Variants in GABRA3 observed in about 807,000 individuals in gnomAD.
GABRA3 encodes gamma-aminobutyric acid receptor subunit alpha-3.
A neutral mutation model predicts 30.1 loss-of-function variants in GABRA3; 10 were observed. The ratio of observed to expected loss-of-function variants is 0.33; its 90% confidence interval spans 0.20 to 0.56. The LOEUF is 0.56. Ranked by LOEUF, GABRA3 falls within the 20% of genes least tolerant of loss-of-function variation. GABRA3 has a pLI of 0.89. For missense variants in GABRA3, 233 were observed against 392.0 expected (o/e 0.59, Z 3.42); for synonymous variants, 151 against 146.8 (o/e 1.03, Z -0.21).
chrX:152,432,940 G>A (rs1249315082), intron 1 of GABRA3, among the ~76,000 whole-genome samples: 2 of 110,492 alleles, frequency 1.8e-5, no homozygotes, highest in African/African-American at 3.3e-5. Flanking sequence ...TAACCTATCA[G>A]TGCAATTCAC....
At chrX:152,440,456 T>C (rs955767946) in intron 1 of GABRA3, among the ~76,000 whole-genome samples, 5 of 112,245 alleles carry the variant, frequency 4.5e-5, no homozygotes, top group African/African-American at 1.6e-4. Flanking sequence ...TGGAAGACAG[T>C]GTGGCAATTC....
chrX:152,309,365 A>C (rs1467049615), intron 3 of GABRA3, among the ~76,000 whole-genome samples: 1 of 111,342 alleles, frequency 9.0e-6, no homozygotes, highest in South Asian at 3.8e-4. Flanking sequence ...AACATAAAAG[A>C]AAATATATTA....
chrX:152,251,084 C>T (rs1230216929), intron 5 of GABRA3: 7 of 319,017 alleles, frequency 2.2e-5, no homozygotes, highest in Non-Finnish European at 4.3e-5. Flanking sequence ...GCCTATGTCT[C>T]CCTCCAGGCC....
chrX:152,376,288 T>G (rs1002951567), intron 1 of GABRA3, among the ~76,000 whole-genome samples: 7 of 111,089 alleles, frequency 6.3e-5, no homozygotes, highest in African/African-American at 1.3e-4. Flanking sequence ...AACTCTTATT[T>G]TTTTTTTCTG....
chrX:152,361,384 C>T (rs888972850), intron 2 of GABRA3, among the ~76,000 whole-genome samples: 6 of 108,382 alleles, frequency 5.5e-5, no homozygotes, highest in Non-Finnish European at 1.1e-4. Flanking sequence ...ACCAGCCTGA[C>T]CAACATGGTG....
chrX:152,209,848 T>C (rs756362163), intron 6 of GABRA3, among the ~76,000 whole-genome samples: 3 of 112,774 alleles, frequency 2.7e-5, no homozygotes, highest in Non-Finnish European at 5.6e-5. Flanking sequence ...ATTTTTTATA[T>C]CTGTGCTCTC....
At chrX:152,208,551 C>A (rs1337373673) in intron 6 of GABRA3, among the ~76,000 whole-genome samples, 1 of 111,372 alleles carries the variant, frequency 9.0e-6, no homozygotes. Flanking sequence ...TATTCGACCC[C>A]TCCAATTCTT....
chrX:152,353,712 G>A (rs1454797769), intron 2 of GABRA3, among the ~76,000 whole-genome samples: 1 of 111,712 alleles, frequency 9.0e-6, no homozygotes, highest in East Asian at 2.8e-4. Context: ...AAAGCAATGA[G>A]CTGGCCATCA....
chrX:152,372,322 C>G (rs1025669740), intron 1 of GABRA3, among the ~76,000 whole-genome samples: 2 of 111,541 alleles, frequency 1.8e-5, no homozygotes, highest in Non-Finnish European at 3.8e-5. Flanking sequence ...TCGGTCTCCC[C>G]TACTCATACC....
At chrX:152,375,576 A>G (rs941636849) in intron 1 of GABRA3, among the ~76,000 whole-genome samples, 8 of 111,906 alleles carry the variant, frequency 7.1e-5, no homozygotes, top group Non-Finnish European at 3.8e-5. Flanking sequence ...TCAAGGCTGG[A>G]TCCAAAGTAA....
chrX:152,338,059 T>A (rs1398606092), intron 3 of GABRA3, among the ~76,000 whole-genome samples: 1 of 111,754 alleles, frequency 8.9e-6, no homozygotes, highest in Non-Finnish European at 1.9e-5. Flanking sequence ...ATAGTGCAAT[T>A]GCTGGATCAT....
intron 1 of GABRA3, among the ~76,000 whole-genome samples, chrX:152,375,896 A>G (rs1238082888): frequency 8.1e-5 from 9 of 111,552 alleles, no homozygotes; most frequent in Non-Finnish European, 1.7e-4. Flanking sequence ...CAGAAGAGAC[A>G]AACCACCCAT....
chrX:152,409,077 G>C lies in GABRA3; in HGVS notation c.-27+42069C>G. Among the ~76,000 whole-genome samples, 3 of 111,936 alleles carry C rather than the reference G, an allele frequency of 2.7e-5. No individual in the cohort carries two copies. In the Middle Eastern group the frequency reaches 0.014, roughly 516 times the overall value. On this transcript the variant is annotated intron_variant, in intron 1 of 9. Transcript: ENST00000370314. ...CATACATAAAAATAAAATTGGCCAG[G>C]CATGGTGGCTCATGCCTGTAATTCA...
intron 4 of GABRA3, among the ~76,000 whole-genome samples, chrX:152,260,184 G>A (rs750629629): frequency 3.0e-4 from 33 of 111,163 alleles, no homozygotes; most frequent in Non-Finnish European, 2.3e-4. Context: ...AGGAAAGACT[G>A]CATGCTGTGG....
At chrX:152,193,804 C>T (rs113225909) in intron 8 of GABRA3, among the ~76,000 whole-genome samples, 24,808 of 110,447 alleles carry the variant, frequency 0.22, 2,060 homozygotes, top group Admixed American at 0.27. Context: ...TGAGACCAGC[C>T]TGGCCAACAT....
chrX:152,313,151 A>G (rs1272683353), intron 3 of GABRA3, among the ~76,000 whole-genome samples: 1 of 112,083 alleles, frequency 8.9e-6, no homozygotes, highest in African/African-American at 3.2e-5. Flanking sequence ...ATTCTGAAAA[A>G]AATATGGATT....
intron 7 of GABRA3, 51 bp downstream of exon 7, chrX:152,207,950 G>T (rs772682096): frequency 2.0e-5 from 21 of 1,068,942 alleles, no homozygotes; most frequent in Non-Finnish European, 2.7e-5. Context: ...ACAGTGACTG[G>T]CATGTGGTAT....
chrX:152,169,959 C>T (rs181198397), intron 9 of GABRA3, among the ~76,000 whole-genome samples: 25 of 111,479 alleles, frequency 2.2e-4, no homozygotes, highest in Non-Finnish European at 3.9e-4. Flanking sequence ...CTCCTTTAGA[C>T]GTCACTGCCA....
chrX:152,220,873 C>CTGTG (rs749228851), intron 6 of GABRA3, among the ~76,000 whole-genome samples: 1 of 108,850 alleles, frequency 9.2e-6, no homozygotes, highest in African/African-American at 3.3e-5. Flanking sequence ...GTGTGTGTGC[C>CTGTG]TGTGTGTGTG....
Sources: gnomAD v4.1 joint callset for allele counts (sites outside exome capture counted in the v4.1 genomes callset) on GRCh38, gnomAD v4.1.1 for gene constraint, MANE v1.5 for transcripts, NCBI Gene and HGNC (gene_info 2026-07-23, HGNC 2026-07-21) for gene names.